LIN52: variants seen among roughly 807,000 people sequenced by gnomAD.
LIN52 encodes the protein lin-52 DREAM MuvB core complex component, also known as protein lin-52 homolog.
LIN52 carries 4 observed loss-of-function variants against 18.5 expected under a neutral mutation model. That is an observed-to-expected ratio of 0.22 (90% CI 0.11 to 0.49). The LOEUF (loss-of-function observed/expected upper bound fraction) is 0.49, where lower values mean the gene tolerates loss of function less well. Ranked by LOEUF, LIN52 falls within the 20% of genes least tolerant of loss-of-function variation. The probability of loss-of-function intolerance (pLI) is 0.97; values close to 1 mark genes in which losing one functional copy is unlikely to be tolerated. For synonymous variants in LIN52, 34 were observed against 45.5 expected, an observed-to-expected ratio of 0.75 and a Z score of 1.02; for missense variants, 102 against 139.5, an observed-to-expected ratio of 0.73 and a Z score of 1.35.
intron 5 of LIN52, among the ~76,000 whole-genome samples, chr14:74,148,002 C>T (rs76551487): frequency 0.14 from 20,899 of 151,776 alleles, 2,003 homozygotes; most frequent in East Asian, 0.58. Context: ...GACTTTTATG[C>T]TATGTGAATT....
chr14:74,110,346 G>A (rs1353436464), intron 5 of LIN52, among the ~76,000 whole-genome samples: 1 of 152,030 alleles, frequency 6.6e-6, no homozygotes, highest in Non-Finnish European at 1.5e-5. Context: ...GCAACAAAAC[G>A]AAGACTCCAT....
chr14:74,184,481 A>C (rs983904083), intron 5 of LIN52, among the ~76,000 whole-genome samples: 1 of 152,204 alleles, frequency 6.6e-6, no homozygotes, highest in African/African-American at 2.4e-5. Flanking sequence ...GTTTGGATTC[A>C]GTCTTTTTGG....
chr14:74,087,832 C>T (rs183330645), intron 1 of LIN52, among the ~76,000 whole-genome samples: 19 of 152,280 alleles, frequency 1.2e-4, no homozygotes, highest in African/African-American at 4.3e-4. Context: ...GAGTAAGACT[C>T]ACAGCAGAGT....
At chr14:74,134,873 ATC>A (rs2061088899) in intron 5 of LIN52, among the ~76,000 whole-genome samples, 1 of 152,192 alleles carries the variant, frequency 6.6e-6, no homozygotes, top group African/African-American at 2.4e-5. Flanking sequence ...GCTCTTTAGG[ATC>A]TCTCTCTTTA....
At position 74,101,087 on chromosome 14, in the gene LIN52, A is replaced by G. The variant is rs148902734; in HGVS notation, c.200-68A>G. On this transcript the variant is annotated intron_variant, in intron 4 of 5. Coordinates refer to ENST00000555028, the MANE Select transcript of LIN52 (RefSeq NM_001024674.3). ...GAAAACTTGTATAACAAGAGTTCCCAACCCAAGGAAGTTGCTACTAGAGAA... is the reference window on the plus strand; with the variant it reads ...GAAAACTTGTATAACAAGAGTTCCCGACCCAAGGAAGTTGCTACTAGAGAA... The G allele has an allele frequency of 3.8e-5, 49 of 1,301,814 alleles. No individual in the cohort carries two copies. The African/African-American group carries it at 6.7e-4, about 18-fold the overall frequency. 80.6% of individuals were successfully genotyped at this position (1,301,814 alleles called of 1,614,324 possible).
intron 1 of LIN52, 87 bp downstream of exon 1, chr14:74,085,080 C>T (rs2060716044): frequency 1.7e-6 from 2 of 1,181,846 alleles, no homozygotes; most frequent in South Asian, 3.1e-5. Flanking sequence ...CTCGAACATA[C>T]ATTTCTTTCT....
chr14:74,181,259 T>C (rs10135858), intron 5 of LIN52, among the ~76,000 whole-genome samples: 91,285 of 151,386 alleles, frequency 0.6, 28,577 homozygotes, highest in Admixed American at 0.69. Context: ...GCTCTGGCAA[T>C]GTAGCGAGAC....
chr14:74,140,918 C>T (rs1040234093), intron 5 of LIN52, among the ~76,000 whole-genome samples: 4 of 152,026 alleles, frequency 2.6e-5, no homozygotes, highest in African/African-American at 7.3e-5. Flanking sequence ...TTTGTAATAC[C>T]GTTGTGTGCG....
chr14:74,110,722 T>C (rs952443176), intron 5 of LIN52, among the ~76,000 whole-genome samples: 7 of 148,380 alleles, frequency 4.7e-5, no homozygotes, highest in Admixed American at 2.7e-4. Flanking sequence ...CCCAGCACTT[T>C]GGGATGCCAA....
At chr14:74,168,606 T>C (rs2061259082) in intron 5 of LIN52, among the ~76,000 whole-genome samples, 1 of 151,884 alleles carries the variant, frequency 6.6e-6, no homozygotes, top group South Asian at 2.1e-4. Context: ...AGGCGGAGCT[T>C]GCAGTGAGCA....
At chr14:74,115,061 G>A (rs568007989) in intron 5 of LIN52, among the ~76,000 whole-genome samples, 1 of 152,276 alleles carries the variant, frequency 6.6e-6, no homozygotes, top group Admixed American at 6.5e-5. Flanking sequence ...TAAATTTGAA[G>A]TAACAGGAAT....
intron 5 of LIN52, among the ~76,000 whole-genome samples, chr14:74,175,542 T>A (rs1483081266): frequency 1.3e-5 from 2 of 149,732 alleles, no homozygotes; most frequent in African/African-American, 2.5e-5. Context: ...AAAAAAAAAA[T>A]AGAAATTAGC....
intron 1 of LIN52, among the ~76,000 whole-genome samples, chr14:74,086,344 G>A (rs17096194): frequency 0.12 from 17,985 of 152,022 alleles, 1,785 homozygotes; most frequent in East Asian, 0.57. Flanking sequence ...TTTTGTGAGC[G>A]CAGGTACATA....
chr14:74,154,722 A>C (rs1338051486), intron 5 of LIN52, among the ~76,000 whole-genome samples: 1 of 152,194 alleles, frequency 6.6e-6, no homozygotes. Flanking sequence ...GAAATTATCC[A>C]CAAAGCTGTT....
In LIN52 at chr14:74,091,245, A is replaced by G; in HGVS notation, c.33A>G (p.Glu11=). Reference sequence around the variant, plus strand: ...GTTTTGTTCTAGGGACAGATCTGGAAGCATCTTTGCTAAGTTTTGAAAAAC... The same window carrying G: ...GTTTTGTTCTAGGGACAGATCTGGAGGCATCTTTGCTAAGTTTTGAAAAAC... The part of the protein sequence containing the change: MASPTDGTDL[E]ASLLSFEKLD... Residue 11 remains glutamate, a synonymous_variant, in exon 2 of 6, where the codon GAA becomes GAG. Coordinates refer to ENST00000555028, the MANE Select transcript of LIN52 (RefSeq NM_001024674.3). The G allele has an allele frequency of 6.2e-7, 1 of 1,610,934 alleles. No individual in the cohort carries two copies. The highest frequency in any genetic ancestry group is 8.5e-7 in the Non-Finnish European group (1 of 1,177,366).
chr14:74,185,309 CTTTTTTTTTTT>C (rs71115969), intron 5 of LIN52, among the ~76,000 whole-genome samples: 2 of 78,790 alleles, frequency 2.5e-5, no homozygotes, highest in South Asian at 4.9e-4. Flanking sequence ...ATAATGATTT[CTTTTTTTTTTT>C]TTTTTTTTTT....
intron 5 of LIN52, among the ~76,000 whole-genome samples, chr14:74,130,295 T>C (rs866421634): frequency 9.7e-4 from 136 of 140,260 alleles, no homozygotes; most frequent in Non-Finnish European, 1.6e-3. Context: ...TTTTTTTTTT[T>C]TGAGACAGTC....
chr14:74,103,504 C>T (rs1032797264), intron 5 of LIN52, among the ~76,000 whole-genome samples: 1 of 138,882 alleles, frequency 7.2e-6, no homozygotes, highest in African/African-American at 2.8e-5. Context: ...ATGATCTTGG[C>T]TTACTGCAAC....
intron 5 of LIN52, among the ~76,000 whole-genome samples, chr14:74,172,780 G>A (rs2061277144): frequency 6.6e-6 from 1 of 152,190 alleles, no homozygotes; most frequent in Non-Finnish European, 1.5e-5. Context: ...TGCTCAAATA[G>A]CCACACAGGA....
Sources: gnomAD v4.1 joint callset for allele counts (sites outside exome capture counted in the v4.1 genomes callset) on GRCh38, gnomAD v4.1.1 for gene constraint, MANE v1.5 for transcripts, NCBI Gene and HGNC (gene_info 2026-07-23, HGNC 2026-07-21) for gene names.